The following KIAA1328 variants were observed in gnomAD, a reference collection of about 807,000 sequenced individuals.
KIAA1328 encodes the protein protein hinderin.
KIAA1328 carries 52 observed loss-of-function variants against 68.1 expected under a neutral mutation model. That is an observed-to-expected ratio of 0.76 (90% CI 0.61 to 0.96). The LOEUF (loss-of-function observed/expected upper bound fraction) is 0.96. Among genes scored for constraint, KIAA1328 ranks in the 40% least tolerant of loss-of-function variants. KIAA1328 has a pLI of 0.00. For missense variants in KIAA1328, 641 were observed against 677.6 expected (o/e 0.95, Z 0.60); for synonymous variants, 232 against 239.4 (o/e 0.97, Z 0.28).
intron 7 of KIAA1328, among the ~76,000 whole-genome samples, chr18:37,083,703 AT>A (rs1248848803): frequency 6.6e-6 from 1 of 152,196 alleles, no homozygotes; most frequent in African/African-American, 2.4e-5. Context: ...AAATGTCAGT[AT>A]GAGAAGTGGG....
intron 6 of KIAA1328, among the ~76,000 whole-genome samples, chr18:36,976,094 C>G (rs2052461191): frequency 1.3e-5 from 2 of 152,214 alleles, no homozygotes; most frequent in African/African-American, 4.8e-5. Context: ...ACTGTCCTGT[C>G]TGTGCATTGT....
chr18:36,988,625 T>TAGTA (rs2053042867), intron 6 of KIAA1328, among the ~76,000 whole-genome samples: 1 of 152,238 alleles, frequency 6.6e-6, no homozygotes, highest in South Asian at 2.1e-4. Context: ...GCTTGCTATT[T>TAGTA]AGTGAACAAG....
chr18:37,160,173 A>G (rs777320665), intron 7 of KIAA1328, 27 bp from the exon 8 acceptor site: 13 of 1,593,036 alleles, frequency 8.2e-6, no homozygotes, highest in Middle Eastern at 1.7e-4. Flanking sequence ...TGTGCCTTCA[A>G]CAGTTCATTC....
intron 5 of KIAA1328, among the ~76,000 whole-genome samples, chr18:36,944,174 A>T (rs1297788135): frequency 6.6e-6 from 1 of 152,236 alleles, no homozygotes; most frequent in Non-Finnish European, 1.5e-5. Flanking sequence ...TCATGTTTGT[A>T]AAATGGGACT....
chr18:36,881,523 A>T (rs1192190876), intron 4 of KIAA1328, among the ~76,000 whole-genome samples: 3 of 152,204 alleles, frequency 2.0e-5, no homozygotes, highest in Non-Finnish European at 4.4e-5. Flanking sequence ...GCGTATTCAC[A>T]GTTGTGTACC....
At chr18:36,836,129 C>G (rs544571147) in intron 3 of KIAA1328, among the ~76,000 whole-genome samples, 5 of 152,120 alleles carry the variant, frequency 3.3e-5, no homozygotes, top group Non-Finnish European at 7.4e-5. Context: ...TTTTTTCAGT[C>G]TGTGAATTAT....
At chr18:36,950,234 A>G (rs2051104976) in intron 5 of KIAA1328, among the ~76,000 whole-genome samples, 1 of 152,222 alleles carries the variant, frequency 6.6e-6, no homozygotes, top group African/African-American at 2.4e-5. Flanking sequence ...TAAGATGAGA[A>G]AATCTTGCTA....
At chr18:37,193,602 C>G in intron 9 of KIAA1328, 7 of 702,650 alleles carry the variant, frequency 1.0e-5, no homozygotes, top group Non-Finnish European at 1.8e-5. Flanking sequence ...CCAGGAATCT[C>G]CACAAAGATC....
At chr18:37,102,838 A>C (rs1269591757) in intron 7 of KIAA1328, among the ~76,000 whole-genome samples, 1 of 152,206 alleles carries the variant, frequency 6.6e-6, no homozygotes. Flanking sequence ...ACTTAAAGGC[A>C]CCACCAAAAT....
intron 9 of KIAA1328, among the ~76,000 whole-genome samples, chr18:37,197,466 A>T (rs186316377): frequency 6.6e-6 from 1 of 152,128 alleles, no homozygotes; most frequent in Non-Finnish European, 1.5e-5. Context: ...GCCATTTTCC[A>T]TTCCATATAT....
chr18:36,891,538 T>C (rs2048687688), intron 5 of KIAA1328, among the ~76,000 whole-genome samples: 1 of 152,208 alleles, frequency 6.6e-6, no homozygotes, highest in South Asian at 2.1e-4. Flanking sequence ...TAGCTCTCAC[T>C]TATGAATGAG....
intron 6 of KIAA1328, among the ~76,000 whole-genome samples, chr18:36,971,830 G>A (rs774523792): frequency 3.9e-5 from 6 of 151,994 alleles, no homozygotes; most frequent in Non-Finnish European, 7.4e-5. Flanking sequence ...CCAAAGAGAG[G>A]AACAACAGAC....
At chr18:36,839,912 C>T (rs1181107752) in intron 3 of KIAA1328, among the ~76,000 whole-genome samples, 3 of 152,092 alleles carry the variant, frequency 2.0e-5, no homozygotes, top group Non-Finnish European at 2.9e-5. Flanking sequence ...GGGCTCTTTC[C>T]CCGGGATGAG....
chr18:37,088,136 G>A (rs1238005291), intron 7 of KIAA1328, among the ~76,000 whole-genome samples: 1 of 152,184 alleles, frequency 6.6e-6, no homozygotes, highest in Admixed American at 6.5e-5. Context: ...CCAGCTAGCA[G>A]ATATTTCAGT....
At chr18:37,119,217 A>G (rs1456021582) in intron 7 of KIAA1328, among the ~76,000 whole-genome samples, 4 of 152,218 alleles carry the variant, frequency 2.6e-5, no homozygotes, top group African/African-American at 9.6e-5. Context: ...TGATAGCTAC[A>G]GCCTATCAGT....
chr18:36,861,504 C>T (rs377688805), intron 4 of KIAA1328, among the ~76,000 whole-genome samples: 3 of 152,188 alleles, frequency 2.0e-5, no homozygotes, highest in East Asian at 1.9e-4. Context: ...TTGCCTGCAA[C>T]TATTACAGTG....
intron 6 of KIAA1328, among the ~76,000 whole-genome samples, chr18:37,017,881 C>T (rs1372794189): frequency 6.6e-6 from 1 of 152,080 alleles, no homozygotes; most frequent in Non-Finnish European, 1.5e-5. Flanking sequence ...CTCTTGAAGA[C>T]AGTAGATGTA....
At chr18:36,941,706 A>T (rs1482592884) in intron 5 of KIAA1328, among the ~76,000 whole-genome samples, 2 of 152,180 alleles carry the variant, frequency 1.3e-5, no homozygotes, top group Admixed American at 1.3e-4. Flanking sequence ...AAAATTATAA[A>T]ATTTTGATAT....
rs1356180875 is a variant in KIAA1328, at chr18:37,225,193, T to G, written c.*2966T>G. 1.2e-5 allele frequency: 12 copies of G among 985,404 alleles called. No homozygotes were observed. Among genetic ancestry groups the G allele is most frequent in the African/African-American group, 1.7e-5 (1 of 57,246 alleles). 61.0% of individuals were successfully genotyped at this position (985,404 alleles called of 1,614,324 possible). ...TGATGGGGCAGAGCTGGACGAAGTC[T>G]GCTAAGAGAGATGGAGGCTGTGGCG... is the stretch of plus-strand genomic sequence containing the variant. On this transcript the variant is annotated 3_prime_UTR_variant, in exon 10 of 10. Coordinates refer to ENST00000280020, the MANE Select transcript of KIAA1328 (RefSeq NM_020776.3).
Sources: gnomAD v4.1 joint callset for allele counts (sites outside exome capture counted in the v4.1 genomes callset) on GRCh38, gnomAD v4.1.1 for gene constraint, MANE v1.5 for transcripts, NCBI Gene and HGNC (gene_info 2026-07-23, HGNC 2026-07-21) for gene names.